The following ZFP28 variants were observed in gnomAD, a reference collection of about 807,000 sequenced individuals.
ZFP28 encodes the protein ZFP28 zinc finger protein, also known as zinc finger protein 28 homolog.
A neutral mutation model predicts 39.5 loss-of-function variants in ZFP28; 31 were observed. That is an observed-to-expected ratio of 0.79 (90% CI 0.59 to 1.06). ZFP28 has a LOEUF of 1.06. Among genes scored for constraint, ZFP28 ranks in the 50% least tolerant of loss-of-function variants. The pLI is 0.00. For missense variants in ZFP28, 925 were observed against 1,048.4 expected, an observed-to-expected ratio of 0.88 and a Z score of 1.63; for synonymous variants, 400 against 378.6, an observed-to-expected ratio of 1.06 and a Z score of -0.66.
intron 6 of ZFP28, 115 bp downstream of exon 6, chr19:56,550,296 T>G: frequency 1.8e-6 from 2 of 1,111,604 alleles, no homozygotes; most frequent in East Asian, 2.6e-5. Context: ...GGCCTGAATT[T>G]TGTGGATTCC....
Position 56,539,064 on chromosome 19 carries a change from C to T in ZFP28, c.46C>T (p.Pro16Ser). Reference protein sequence around the residue: ...SASVREPTPLPGRGAPRTKPR... With the variant: ...SASVREPTPLSGRGAPRTKPR... ...GAGTGTCCGCGAGCCGACGCCGCTC[C>T]CGGGTAGAGGCGCCCCCCGCACAAA... is the stretch of plus-strand genomic sequence containing the variant. The change falls in exon 1 of 8, where the codon CCG becomes TCG. Residue 16 changes from proline (P) to serine (S), a missense_variant. This residue lies in a region of ZFP28 where 556 missense variants were observed against 542.9 expected (regional missense o/e 1.02). Transcript: ENST00000301318. 2 of 1,514,152 alleles carry T rather than the reference C, an allele frequency of 1.3e-6. No homozygotes were observed. Among genetic ancestry groups the T allele is most frequent in the Non-Finnish European group, 8.8e-7 (1 of 1,135,746 alleles). 93.8% of individuals were successfully genotyped at this position (1,514,152 alleles called of 1,614,324 possible). A position where few individuals can be genotyped will look rare whatever the true frequency, so the allele number is the denominator to read the frequency against.
rs756265867 is a variant in ZFP28 at position 56,539,148 on chromosome 19, C to T, written c.130C>T (p.Arg44Trp). The T allele has an allele frequency of 2.5e-6, 4 of 1,596,514 alleles. No individual in the cohort carries two copies. Among genetic ancestry groups the T allele is most frequent in the South Asian group, 2.2e-5 (2 of 89,028 alleles). The change falls in exon 1 of 8, where the codon CGG becomes TGG. Residue 44 changes from arginine (R) to tryptophan (W), a missense_variant. This residue lies in a region of ZFP28 where 556 missense variants were observed against 542.9 expected (regional missense o/e 1.02). Transcript: ENST00000301318. ...TCCAGCCACCTTGGCCCTCCCTGCC[C>T]GGGGAAGGCCGCGCTCAAGGAATGG... Reference protein sequence around the residue: ...GTPATLALPARGRPRSRNGLA... With the variant: ...GTPATLALPAWGRPRSRNGLA...
Position 56,547,282 on chromosome 19 carries a change from A to G in ZFP28, c.301-226A>G. ...CCGTGGTATCTCTTCCTGTTTTAAT[A>G]AGGACACCAGACAGATTGGGTTAGG... On this transcript the variant is annotated intron_variant, in intron 2 of 7. Transcript: ENST00000301318. This position sits in a 1 kb window ranked among gnomAD's most constrained non-coding sequence, Gnocchi z 4.6. 1 of 555,652 alleles carries G rather than the reference A, an allele frequency of 1.8e-6. No individual in the cohort carries two copies. Among genetic ancestry groups the G allele is most frequent in the South Asian group, 2.4e-5 (1 of 42,190 alleles). 34.4% of individuals were successfully genotyped at this position (555,652 alleles called of 1,614,324 possible).
At position 56,540,121 on chromosome 19, in the gene ZFP28, T is replaced by C. The variant is rs993301865; in HGVS notation, c.300+405T>C. Among the ~76,000 whole-genome samples the C allele has an allele frequency of 8.5e-5, 13 of 152,208 alleles. No individual in the cohort carries two copies. The South Asian group carries it at 2.5e-3, about 29-fold the overall frequency. On this transcript the variant is annotated intron_variant, in intron 2 of 7. Transcript: ENST00000301318. ...AGTCCCTGCTCTGGAGCTCACAGCC[T>C]GTTGACCCAATGTCAAGGAAACAAG...
chr19:56,538,890 C>A, upstream of ZFP28: 1 of 748,650 alleles, frequency 1.3e-6, no homozygotes, highest in Non-Finnish European at 1.7e-6. Flanking sequence ...CTCCGCGGCG[C>A]GGCCCAGTGG....
chr19:56,548,660 A>C (rs2044265120), intron 4 of ZFP28, among the ~76,000 whole-genome samples: 1 of 152,212 alleles, frequency 6.6e-6, no homozygotes, highest in Non-Finnish European at 1.5e-5. Context: ...CTTGATTTTT[A>C]ATTGCTTTTT....
At position 56,554,644 on chromosome 19, in the gene ZFP28, C is replaced by A. The variant is rs10409531; in HGVS notation, c.1859C>A (p.Ala620Glu). 6.2e-7 allele frequency: 1 copy of A among 1,613,794 alleles called. No homozygotes were observed. Among genetic ancestry groups the A allele is most frequent in the Non-Finnish European group, 8.5e-7 (1 of 1,179,964 alleles). Residue 620 changes from alanine to glutamate, a missense_variant, in exon 8 of 8, where the codon GCG (alanine) becomes GAG (glutamate). Physicochemically the swap from Ala to Glu is moderately radical, Grantham distance 107. This residue lies in a region of ZFP28 where 369 missense variants were observed against 505.5 expected (regional missense o/e 0.73). Transcript: ENST00000301318. This position sits in a 1 kb window ranked among gnomAD's most constrained non-coding sequence, Gnocchi z 6.7. ...ACTGGGGAGAAGCCTTTTGAATGTGCGGAGTGTGGAAAATCCTTCAGCATC... is the reference window on the plus strand; with the variant it reads ...ACTGGGGAGAAGCCTTTTGAATGTGAGGAGTGTGGAAAATCCTTCAGCATC... ...IHTGEKPFEC[A>E]ECGKSFSISS...
At chr19:56,548,301 G>A (rs1478209033) in intron 4 of ZFP28, 1 of 158,024 alleles carries the variant, frequency 6.3e-6, no homozygotes, top group African/African-American at 2.4e-5. Flanking sequence ...ATGTGTGAAA[G>A]TTTCCAATTT....
Position 56,554,972 on chromosome 19 carries a change from T to G in ZFP28, c.2187T>G (p.Tyr729Ter). The change falls in exon 8 of 8, where the codon TAT becomes TAG. Residue 729 changes from tyrosine (Y) to a stop codon, truncating the protein, a stop_gained. Transcript: ENST00000301318. LOFTEE classifies it low-confidence loss of function (END_TRUNC). This position sits in a 1 kb window ranked among gnomAD's most constrained non-coding sequence, Gnocchi z 6.7. The part of the protein sequence containing the change: ...HQRLHTGQRP[Y>*]ECIECGKAFK... ...GACTGCACACTGGCCAAAGACCTTA[T>G]GAATGTATTGAGTGTGGAAAGGCAT... 1 of 1,614,178 alleles carries G rather than the reference T, an allele frequency of 6.2e-7. No homozygotes were observed. Among genetic ancestry groups the G allele is most frequent in the Non-Finnish European group, 8.5e-7 (1 of 1,180,036 alleles).
At position 56,547,510 on chromosome 19, in the gene ZFP28, C is replaced by G. The variant is rs2044252537; in HGVS notation, c.303C>G (p.Gly101=). Residue 101 remains glycine, a splice_region_variant and synonymous_variant, in exon 3 of 8, where the codon GGC becomes GGG. Coordinates refer to ENST00000301318, the MANE Select transcript of ZFP28 (RefSeq NM_020828.2). The surrounding 1 kb of genome is among the most constrained non-coding windows in gnomAD (Gnocchi z 4.6). The part of the protein sequence containing the change: ...TGIEPKAMSQ[G]LVTFGDVAVD... Reference sequence around the variant, plus strand: ...AGAACATGGTTATATCATTTCAGGGCTTGGTGACATTTGGGGATGTGGCTG... The same window carrying G: ...AGAACATGGTTATATCATTTCAGGGGTTGGTGACATTTGGGGATGTGGCTG... The G allele has an allele frequency of 1.9e-6, 3 of 1,614,030 alleles. No homozygotes were observed. Among genetic ancestry groups the G allele is most frequent in the Admixed American group, 1.7e-5 (1 of 60,000 alleles).
chr19:56,547,635 G>A lies in ZFP28; in HGVS notation c.427+1G>A. On this transcript the variant is annotated splice_donor_variant, in intron 3 of 7. Transcript: ENST00000301318. LOFTEE classifies it high-confidence loss of function. The surrounding 1 kb of genome is among the most constrained non-coding windows in gnomAD (Gnocchi z 4.6). ...AACTACAGGAACCTGGCATCGCTGG[G>A]TAAGGGCTCCCACCCCTTTTCCCAC... 2.5e-6 allele frequency: 4 copies of A among 1,606,944 alleles called. No homozygotes were observed. The highest frequency in any genetic ancestry group is 3.4e-6 in the Non-Finnish European group (4 of 1,176,032).
Position 56,556,462 on chromosome 19 carries a change from C to A in ZFP28, c.*1070C>A, listed in dbSNP as rs1194782031. 2 of 152,170 alleles carry A rather than the reference C, an allele frequency of 1.3e-5. No individual in the cohort carries two copies. Among genetic ancestry groups the A allele is most frequent in the Non-Finnish European group, 2.9e-5 (2 of 68,032 alleles). 9.4% of individuals were successfully genotyped at this position (152,170 alleles called of 1,614,324 possible). ...TCAAACTAAAGCCCATGGACCAAAT[C>A]CTATCTGCTGCTTGTTTTTGTAAAT... On this transcript the variant is annotated 3_prime_UTR_variant, in exon 8 of 8. Transcript: ENST00000301318.
At chr19:56,545,727 C>G (rs1361721600) in intron 2 of ZFP28, 1 of 152,100 alleles carries the variant, frequency 6.6e-6, no homozygotes, top group African/African-American at 2.4e-5. Flanking sequence ...TGGGCTGGAG[C>G]CTTTATTGGG....
Position 56,555,097 on chromosome 19 carries a change from C to T in ZFP28, c.2312C>T (p.Ser771Phe), listed in dbSNP as rs1457024628. The part of the protein sequence containing the change: ...VCGKAFSHRQ[S>F]LSVHQRIHSG... ...GGCAAAGCCTTTAGTCATCGTCAAT[C>T]CCTTAGTGTACATCAGAGAATCCAT... The change falls in exon 8 of 8, where the codon TCC becomes TTC. Residue 771 changes from serine (S) to phenylalanine (F), a missense_variant. Physicochemically the swap from Ser to Phe is radical, Grantham distance 155. Around this residue, in one of 2 missense-constraint regions of ZFP28, gnomAD observed 369 missense variants for 505.5 expected, o/e 0.73. Coordinates refer to ENST00000301318, the MANE Select transcript of ZFP28 (RefSeq NM_020828.2). The T allele has an allele frequency of 1.2e-6, 2 of 1,614,106 alleles. No individual in the cohort carries two copies. The highest frequency in any genetic ancestry group is 1.7e-6 in the Non-Finnish European group (2 of 1,180,028).
At position 56,554,574 on chromosome 19, in the gene ZFP28, G is replaced by T. The variant is rs2044334414; in HGVS notation, c.1789G>T (p.Ala597Ser). ...KPFKCKECGK[A>S]FRQNIHLASH... ...TTTTAAGTGTAAAGAGTGCGGAAAA[G>T]CTTTTAGGCAGAATATACACCTTGC... Residue 597 changes from alanine (A) to serine (S), a missense_variant, in exon 8 of 8, where the codon GCT (alanine) becomes TCT (serine). By Grantham distance (99) the Ala-to-Ser change is moderately conservative. Coordinates refer to ENST00000301318, the MANE Select transcript of ZFP28 (RefSeq NM_020828.2). This position sits in a 1 kb window ranked among gnomAD's most constrained non-coding sequence, Gnocchi z 6.7. 6.2e-7 allele frequency: 1 copy of T among 1,614,008 alleles called. No homozygotes were observed. Among genetic ancestry groups the T allele is most frequent in the African/African-American group, 1.3e-5 (1 of 74,890 alleles).
rs761145212 is a variant in ZFP28 at position 56,539,626 on chromosome 19, T to C, written c.210T>C (p.Ala70=). 4.2e-5 allele frequency: 67 copies of C among 1,613,836 alleles called. 1 individual carries two copies. In the South Asian group the frequency reaches 7.1e-4, roughly 17 times the overall value. ...TCTAGCTACTCCTTTCTCTTTCAGCTCTGCCTTCCAGGGACACTGCTCTTC... is the reference window on the plus strand; with the variant it reads ...TCTAGCTACTCCTTTCTCTTTCAGCCCTGCCTTCCAGGGACACTGCTCTTC... ...GAAPTGPGHR[A]LPSRDTALPQ... Residue 70 remains alanine, a splice_region_variant and synonymous_variant, in exon 2 of 8, where the codon GCT becomes GCC. Coordinates refer to ENST00000301318, the MANE Select transcript of ZFP28 (RefSeq NM_020828.2).
rs370828004 is a variant in ZFP28 at position 56,547,674 on chromosome 19, C to T, written c.427+40C>T. The T allele has an allele frequency of 1.3e-4, 204 of 1,590,030 alleles. No individual in the cohort carries two copies. The highest frequency in any genetic ancestry group is 1.2e-3 in the Middle Eastern group (7 of 5,924). Reference sequence around the variant, plus strand: ...CCCTTTTCCCACCCCTCACCCTACCCACGTCCTGGACTAAGAAGCCTTTCA... The same window carrying T: ...CCCTTTTCCCACCCCTCACCCTACCTACGTCCTGGACTAAGAAGCCTTTCA... On this transcript the variant is annotated intron_variant, in intron 3 of 7. Coordinates refer to ENST00000301318, the MANE Select transcript of ZFP28 (RefSeq NM_020828.2). The surrounding 1 kb of genome is among the most constrained non-coding windows in gnomAD (Gnocchi z 4.6).
chr19:56,537,080 G>A (rs75273389), upstream of ZFP28, among the ~76,000 whole-genome samples: 3 of 127,676 alleles, frequency 2.3e-5, no homozygotes, highest in East Asian at 2.3e-4. Flanking sequence ...GACTGCATTC[G>A]TCAACCAATA....
Position 56,539,615 on chromosome 19 carries a change from T to C in ZFP28, c.209-10T>C. On this transcript the variant is annotated splice_polypyrimidine_tract_variant and intron_variant, in intron 1 of 7. Coordinates refer to ENST00000301318, the MANE Select transcript of ZFP28 (RefSeq NM_020828.2). ...TAGACCTGGTCTCTAGCTACTCCTT[T>C]CTCTTTCAGCTCTGCCTTCCAGGGA... The C allele has an allele frequency of 1.9e-6, 3 of 1,613,368 alleles. No homozygotes were observed. Among genetic ancestry groups the C allele is most frequent in the Non-Finnish European group, 2.5e-6 (3 of 1,179,492 alleles).
Sources: gnomAD v4.1 joint callset for allele counts (sites outside exome capture counted in the v4.1 genomes callset) on GRCh38, gnomAD v4.1.1 for gene constraint, gnomAD v4.1.1 regional missense constraint, Gnocchi (gnomAD v3.1) non-coding constraint, MANE v1.5 for transcripts, NCBI Gene and HGNC (gene_info 2026-07-23, HGNC 2026-07-21) for gene names.